The following CNTN5 variants were observed in gnomAD, a reference collection of about 807,000 sequenced individuals.
The protein encoded by CNTN5 is contactin-5.
CNTN5 carries 77 observed loss-of-function variants against 129.1 expected under a neutral mutation model. That is an observed-to-expected ratio of 0.60 (90% confidence interval 0.50 to 0.72). The LOEUF (loss-of-function observed/expected upper bound fraction) is 0.72, where lower values mean the gene tolerates loss of function less well. CNTN5 is among the 30% of genes least tolerant of loss of function. The probability of loss-of-function intolerance (pLI) is 0.00; values close to 1 mark genes in which losing one functional copy is unlikely to be tolerated. For missense variants in CNTN5, 1,478 were observed against 1,328.8 expected, an observed-to-expected ratio of 1.11 and a Z score of -1.75; for synonymous variants, 509 against 465.6, an observed-to-expected ratio of 1.09 and a Z score of -1.20.
intron 18 of CNTN5, among the ~76,000 whole-genome samples, chr11:100,273,429 C>G (rs535911445): frequency 2.0e-5 from 3 of 152,140 alleles, no homozygotes; most frequent in Non-Finnish European, 4.4e-5. Flanking sequence ...TGCCAACCAC[C>G]GTTGCAGACA....
chr11:99,506,784 A>T (rs550676993), intron 2 of CNTN5, among the ~76,000 whole-genome samples: 1 of 152,314 alleles, frequency 6.6e-6, no homozygotes, highest in South Asian at 2.1e-4. Flanking sequence ...CAAGAAAGTA[A>T]ATGTAAAGTC....
At chr11:99,987,451 T>A (rs569211147) in intron 8 of CNTN5, among the ~76,000 whole-genome samples, 1 of 151,262 alleles carries the variant, frequency 6.6e-6, no homozygotes, top group African/African-American at 2.4e-5. Flanking sequence ...TATGCACATA[T>A]ATATTTTATA....
intron 3 of CNTN5, among the ~76,000 whole-genome samples, chr11:99,702,450 A>G (rs185162824): frequency 1.3e-5 from 2 of 150,994 alleles, no homozygotes; most frequent in African/African-American, 4.8e-5. Flanking sequence ...TCAGTGGATA[A>G]TGTTTCATAT....
At chr11:99,091,021 C>CAAACAAA (rs1866226438) in intron 1 of CNTN5, among the ~76,000 whole-genome samples, 1 of 56,754 alleles carries the variant, frequency 1.8e-5, no homozygotes, top group Non-Finnish European at 3.1e-5. Flanking sequence ...GACTCCGTCT[C>CAAACAAA]AAAAAAAAAA....
intron 3 of CNTN5, among the ~76,000 whole-genome samples, chr11:99,599,850 G>T (rs1950259343): frequency 1.3e-5 from 2 of 151,888 alleles, no homozygotes; most frequent in African/African-American, 2.4e-5. Flanking sequence ...TTTACAAAAA[G>T]ACATTTAAAA....
At chr11:99,793,120 C>T (rs868535181) in intron 3 of CNTN5, among the ~76,000 whole-genome samples, 45 of 151,510 alleles carry the variant, frequency 3.0e-4, no homozygotes, top group Middle Eastern at 3.4e-3. Context: ...AGTGCAGTGG[C>T]GCAATCTCGG....
intron 7 of CNTN5, among the ~76,000 whole-genome samples, chr11:99,932,769 C>A (rs1950222288): frequency 6.6e-6 from 1 of 151,976 alleles, no homozygotes; most frequent in Non-Finnish European, 1.5e-5. Flanking sequence ...GATGATGATG[C>A]CCTCTTCATT....
intron 7 of CNTN5, among the ~76,000 whole-genome samples, chr11:99,928,354 G>A (rs926414227): frequency 2.6e-5 from 4 of 152,206 alleles, no homozygotes; most frequent in Non-Finnish European, 4.4e-5. Flanking sequence ...GGGACTCTGT[G>A]TGGGGGCTCC....
intron 3 of CNTN5, among the ~76,000 whole-genome samples, chr11:99,765,358 G>A (rs1346795096): frequency 6.6e-6 from 1 of 150,912 alleles, no homozygotes; most frequent in East Asian, 2.0e-4. Flanking sequence ...TCACTCACTG[G>A]GGACTAAATC....
rs150802586 is a variant in CNTN5, at chr11:99,849,554, A to C, written c.577+4292A>C. On this transcript the variant is annotated intron_variant, in intron 6 of 24. Transcript: ENST00000524871. ...CAATGAGTGTAATGTCATAGAGACT[A>C]AAATCTAGGTGCTGCAGGTGCATAT... Among the ~76,000 whole-genome samples, 310 of 152,252 alleles carry C rather than the reference A, an allele frequency of 2.0e-3. 1 individual carries two copies. Among genetic ancestry groups the C allele is most frequent in the African/African-American group, 7.2e-3 (299 of 41,562 alleles).
At chr11:99,698,524 T>G (rs1377802009) in intron 3 of CNTN5, among the ~76,000 whole-genome samples, 1 of 151,512 alleles carries the variant, frequency 6.6e-6, no homozygotes, top group African/African-American at 2.4e-5. Flanking sequence ...TGTAGTTGCA[T>G]GCTTATGGTG....
chr11:99,741,799 T>C (rs986847058), intron 3 of CNTN5, among the ~76,000 whole-genome samples: 3 of 152,144 alleles, frequency 2.0e-5, no homozygotes, highest in Non-Finnish European at 4.4e-5. Context: ...GTTAAGTATT[T>C]TTTTCCATTA....
At chr11:99,611,786 A>G (rs750206866) in intron 3 of CNTN5, among the ~76,000 whole-genome samples, 3 of 152,194 alleles carry the variant, frequency 2.0e-5, no homozygotes, top group Non-Finnish European at 4.4e-5. Context: ...ACAAAATTAC[A>G]TATGGAAAAG....
chr11:99,491,156 G>A (rs1591154334), intron 2 of CNTN5, among the ~76,000 whole-genome samples: 2 of 152,212 alleles, frequency 1.3e-5, no homozygotes, highest in South Asian at 4.1e-4. Context: ...GGGATATTGG[G>A]GATACAAATT....
At chr11:99,248,702 C>A (rs1861945600) in intron 1 of CNTN5, among the ~76,000 whole-genome samples, 1 of 151,870 alleles carries the variant, frequency 6.6e-6, no homozygotes, top group Admixed American at 6.6e-5. Flanking sequence ...GTTTTCCCAG[C>A]ACCATGTATT....
chr11:99,823,898 A>C (rs540813624), intron 4 of CNTN5, among the ~76,000 whole-genome samples: 1 of 152,096 alleles, frequency 6.6e-6, no homozygotes, highest in Non-Finnish European at 1.5e-5. Context: ...CTGTTCTTTA[A>C]AATTTTTGTG....
At chr11:100,200,131 C>G (rs561113128) in intron 15 of CNTN5, among the ~76,000 whole-genome samples, 1 of 151,896 alleles carries the variant, frequency 6.6e-6, no homozygotes, top group African/African-American at 2.4e-5. Flanking sequence ...CTTGATGACA[C>G]CTAAGACAGT....
intron 2 of CNTN5, among the ~76,000 whole-genome samples, chr11:99,532,891 A>G (rs1380748776): frequency 2.0e-5 from 3 of 152,218 alleles, no homozygotes; most frequent in African/African-American, 7.2e-5. Flanking sequence ...ATACACACCA[A>G]TAAAGACAAT....
At chr11:100,056,518 TAGAA>T (rs1943229877) in intron 9 of CNTN5, among the ~76,000 whole-genome samples, 1 of 151,536 alleles carries the variant, frequency 6.6e-6, no homozygotes, top group Non-Finnish European at 1.5e-5. Context: ...AAGCAAAAAT[TAGAA>T]AGAGGGCCAT....
Sources: gnomAD v4.1 joint callset for allele counts (sites outside exome capture counted in the v4.1 genomes callset) on GRCh38, gnomAD v4.1.1 for gene constraint, MANE v1.5 for transcripts, NCBI Gene and HGNC (gene_info 2026-07-23, HGNC 2026-07-21) for gene names.